Variants in TCF12 observed in about 807,000 individuals in gnomAD.
TCF12 encodes transcription factor 12, also known as DNA-binding protein HTF4.
In TCF12, 45 loss-of-function variants were observed where a neutral mutation model predicts 86.0. The ratio of observed to expected loss-of-function variants is 0.52; its 90% CI spans 0.41 to 0.67. The LOEUF (loss-of-function observed/expected upper bound fraction) is 0.67, where lower values mean the gene tolerates loss of function less well. Ranked by LOEUF, TCF12 falls within the 30% of genes least tolerant of loss-of-function variation. TCF12 has a pLI of 0.00. For synonymous variants in TCF12, 330 were observed against 299.6 expected, an observed-to-expected ratio of 1.10 and a Z score of -1.05; for missense variants, 881 against 859.9, an observed-to-expected ratio of 1.02 and a Z score of -0.31.
rs777234282 is a variant in TCF12 at position 56,984,014 on chromosome 15, A to AAAAAAAAAAG, written c.148+62918_148+62919insAAAAAAAGAA. On this transcript the variant is annotated intron_variant, in intron 3 of 20. Transcript: ENST00000333725. The stretch of plus-strand genomic sequence containing the variant: ...GAGACCCTGTCTCAAAAAAAAAAAA[A>AAAAAAAAAAG]AAGAAGAAGAAGAATTTTGGATCAA... 8.7e-4 allele frequency among the ~76,000 whole-genome samples: 91 copies of AAAAAAAAAAG among 104,076 alleles called. 5 individuals carry two copies. Among genetic ancestry groups the AAAAAAAAAAG allele is most frequent in the African/African-American group, 3.5e-3 (75 of 21,734 alleles). 68.3% of individuals were successfully genotyped at this position (104,076 alleles called of 152,430 possible). A position where few individuals can be genotyped will look rare whatever the true frequency, so the allele number is the denominator to read the frequency against.
At chr15:56,978,648 T>C (rs2062736877) in intron 3 of TCF12, among the ~76,000 whole-genome samples, 1 of 152,188 alleles carries the variant, frequency 6.6e-6, no homozygotes, top group Admixed American at 6.5e-5. Context: ...AATTCTTTTG[T>C]TTTTAGTAGT....
chr15:57,244,572 G>T (rs751627714), intron 13 of TCF12, among the ~76,000 whole-genome samples: 3 of 152,264 alleles, frequency 2.0e-5, no homozygotes, highest in Admixed American at 2.0e-4. Flanking sequence ...GGATTCTCCT[G>T]CCTCAGCTTC....
chr15:56,988,242 A>G (rs1284265273), intron 3 of TCF12, among the ~76,000 whole-genome samples: 1 of 152,188 alleles, frequency 6.6e-6, no homozygotes, highest in Non-Finnish European at 1.5e-5. Context: ...ATTTGGTCAT[A>G]TGAACTTCAT....
chr15:57,041,412 C>T (rs1402431226), intron 3 of TCF12, among the ~76,000 whole-genome samples: 1 of 152,028 alleles, frequency 6.6e-6, no homozygotes, highest in Non-Finnish European at 1.5e-5. Context: ...CTATGTTTTT[C>T]CCTTTGTATT....
chr15:56,918,545 C>T, upstream of TCF12: 1 of 275,376 alleles, frequency 3.6e-6, no homozygotes, highest in South Asian at 2.8e-5. Context: ...GACAGCTCCT[C>T]CCCGCCCCCT....
chr15:57,246,853 A>G (rs2151986098), intron 13 of TCF12: 1 of 363,834 alleles, frequency 2.7e-6, no homozygotes, highest in Non-Finnish European at 5.4e-6. Context: ...AGATTTTTAC[A>G]GTTCCTCTAA....
intron 3 of TCF12, among the ~76,000 whole-genome samples, chr15:57,030,012 TAA>T (rs1270047841): frequency 6.6e-6 from 1 of 152,144 alleles, no homozygotes; most frequent in Non-Finnish European, 1.5e-5. Flanking sequence ...TTTTTGGAGA[TAA>T]GAGTAGAGTC....
chr15:57,262,215 A>C lies in TCF12; in HGVS notation c.1582+7A>C. ...ACACAAGAAAATTATAGAGGTAACT[A>C]TATTGTTGGTTTTCAGAAATAATGC... On this transcript the variant is annotated splice_region_variant and intron_variant, in intron 17 of 20. Coordinates refer to ENST00000333725, the MANE Select transcript of TCF12 (RefSeq NM_207037.2). 1.1e-5 allele frequency: 17 copies of C among 1,573,408 alleles called. No individual in the cohort carries two copies. The highest frequency in any genetic ancestry group is 1.4e-5 in the Non-Finnish European group (16 of 1,149,918).
chr15:56,918,447 T>A (rs1357706483), upstream of TCF12: 1 of 346,028 alleles, frequency 2.9e-6, no homozygotes, highest in East Asian at 9.0e-5. Flanking sequence ...GAGCGCCTCA[T>A]GCCCCTCCCC....
intron 3 of TCF12, among the ~76,000 whole-genome samples, chr15:56,977,302 G>T (rs2062660319): frequency 6.6e-6 from 1 of 152,132 alleles, no homozygotes. Flanking sequence ...GGAGGCCGAG[G>T]TGGGCGGATT....
intron 3 of TCF12, among the ~76,000 whole-genome samples, chr15:56,976,199 C>T (rs2062589548): frequency 7.1e-6 from 1 of 140,808 alleles, no homozygotes. Context: ...CGTTGGACAA[C>T]TAAATAGTAG....
chr15:57,146,314 C>T (rs1163241990), intron 5 of TCF12, among the ~76,000 whole-genome samples: 3 of 152,080 alleles, frequency 2.0e-5, no homozygotes, highest in Non-Finnish European at 4.4e-5. Flanking sequence ...ACTTTGTCAA[C>T]ATCTCTCACT....
intron 8 of TCF12, chr15:57,219,370 T>A: frequency 7.7e-7 from 1 of 1,291,832 alleles, no homozygotes; most frequent in Non-Finnish European, 9.9e-7. Flanking sequence ...GCTCTGTGAG[T>A]TGGTTCAGTC....
chr15:57,039,755 A>AC (rs1238863403), intron 3 of TCF12, among the ~76,000 whole-genome samples: 2 of 151,992 alleles, frequency 1.3e-5, no homozygotes, highest in African/African-American at 4.8e-5. Context: ...GAATCATGAG[A>AC]CCCATTTATT....
At chr15:57,017,985 C>T (rs1248664238) in intron 3 of TCF12, among the ~76,000 whole-genome samples, 6 of 152,202 alleles carry the variant, frequency 3.9e-5, no homozygotes, top group African/African-American at 1.4e-4. Flanking sequence ...GTAAGAATCA[C>T]CCAGTGAGGG....
At chr15:56,942,860 A>G (rs1450920226) in intron 3 of TCF12, among the ~76,000 whole-genome samples, 2 of 152,156 alleles carry the variant, frequency 1.3e-5, no homozygotes, top group African/African-American at 4.8e-5. Flanking sequence ...AGTGCTTTAT[A>G]TCTATTTGCA....
At chr15:56,923,296 T>C (rs1698399257) in intron 3 of TCF12, among the ~76,000 whole-genome samples, 1 of 152,124 alleles carries the variant, frequency 6.6e-6, no homozygotes, top group South Asian at 2.1e-4. Context: ...CATGTGATGT[T>C]ATCTTTAATC....
intron 12 of TCF12, among the ~76,000 whole-genome samples, chr15:57,236,453 G>A (rs1245612291): frequency 2.0e-5 from 3 of 152,142 alleles, no homozygotes; most frequent in African/African-American, 4.8e-5. Flanking sequence ...TTGAAATGGT[G>A]ACTGACTCTT....
intron 3 of TCF12, among the ~76,000 whole-genome samples, chr15:56,989,284 A>G (rs771546864): frequency 6.6e-6 from 1 of 152,172 alleles, no homozygotes; most frequent in South Asian, 2.1e-4. Flanking sequence ...ACCCTACATT[A>G]TATCCTCATT....
Sources: gnomAD v4.1 joint callset for allele counts (sites outside exome capture counted in the v4.1 genomes callset) on GRCh38, gnomAD v4.1.1 for gene constraint, MANE v1.5 for transcripts, NCBI Gene and HGNC (gene_info 2026-07-23, HGNC 2026-07-21) for gene names.